The following CADPS2 variants were observed in gnomAD, a reference collection of about 807,000 sequenced individuals.
CADPS2 encodes the protein calcium dependent secretion activator 2.
Under a neutral mutation model 172.5 loss-of-function variants are expected in CADPS2, and 93 were observed. The observed-to-expected ratio is 0.54, with a 90% CI of 0.46 to 0.64. The LOEUF is 0.64. CADPS2 is among the 30% of genes least tolerant of loss of function. The pLI, the probability that CADPS2 is intolerant of heterozygous loss-of-function variation, is 0.00. For missense variants in CADPS2, 1,420 were observed against 1,565.9 expected, an observed-to-expected ratio of 0.91 and a Z score of 1.57; for synonymous variants, 546 against 555.2, an observed-to-expected ratio of 0.98 and a Z score of 0.23.
intron 2 of CADPS2, among the ~76,000 whole-genome samples, chr7:122,678,824 T>C (rs1419428046): frequency 2.0e-5 from 3 of 151,802 alleles, no homozygotes; most frequent in African/African-American, 4.8e-5. Context: ...TAGCAGAATG[T>C]TGCAGGAAGT....
intron 6 of CADPS2, among the ~76,000 whole-genome samples, chr7:122,588,061 C>T (rs966123238): frequency 2.0e-5 from 3 of 151,274 alleles, no homozygotes; most frequent in Admixed American, 6.6e-5. Flanking sequence ...TTTTTTTTCT[C>T]GTAAATTTTT....
intron 2 of CADPS2, chr7:122,701,938 T>C: frequency 6.2e-7 from 1 of 1,613,622 alleles, no homozygotes. Flanking sequence ...TTAAAATGCG[T>C]ACTACATCTT....
intron 2 of CADPS2, among the ~76,000 whole-genome samples, chr7:122,685,937 T>C (rs2083565125): frequency 6.6e-6 from 1 of 152,238 alleles, no homozygotes; most frequent in Admixed American, 6.5e-5. Context: ...TGCCTTACCC[T>C]GAACTTATTT....
At chr7:122,342,067 T>C (rs2036860517) in intron 28 of CADPS2, among the ~76,000 whole-genome samples, 1 of 152,190 alleles carries the variant, frequency 6.6e-6, no homozygotes, top group Non-Finnish European at 1.5e-5. Context: ...AAGGATACTT[T>C]TAATTTTAAT....
chr7:122,713,599 G>C (rs1003077614), intron 2 of CADPS2, among the ~76,000 whole-genome samples: 1 of 151,512 alleles, frequency 6.6e-6, no homozygotes, highest in African/African-American at 2.4e-5. Context: ...ACAATTGTAA[G>C]GAAGTTTCTA....
intron 24 of CADPS2, among the ~76,000 whole-genome samples, chr7:122,385,642 TG>T (rs1184601266): frequency 6.6e-6 from 1 of 152,044 alleles, no homozygotes; most frequent in Non-Finnish European, 1.5e-5. Flanking sequence ...TCAGGGATTC[TG>T]GGGTAGTATT....
At chr7:122,550,916 A>G (rs1210156973) in intron 8 of CADPS2, among the ~76,000 whole-genome samples, 2 of 152,216 alleles carry the variant, frequency 1.3e-5, no homozygotes, top group East Asian at 3.8e-4. Context: ...AAGAATAAAT[A>G]AACTCAAGTT....
intron 7 of CADPS2, among the ~76,000 whole-genome samples, chr7:122,569,271 C>T (rs1377811811): frequency 2.0e-5 from 3 of 152,048 alleles, no homozygotes; most frequent in Non-Finnish European, 2.9e-5. Context: ...TGAGTGAACT[C>T]CCATTCACAA....
chr7:122,497,301 A>G lies in CADPS2; in HGVS notation c.1543-5881T>C, dbSNP rs2058816320. ...ACAAGATTTATTTTAAAGACAAGCT[A>G]TATTTGCTGTACATGCTGATATATT... is the stretch of plus-strand genomic sequence containing the variant. On this transcript the variant is annotated intron_variant, in intron 9 of 29. Coordinates refer to ENST00000449022, the MANE Select transcript of CADPS2 (RefSeq NM_017954.11). Among the ~76,000 whole-genome samples the G allele has an allele frequency of 1.3e-5, 2 of 152,274 alleles. 1 individual carries two copies. Among genetic ancestry groups the G allele is most frequent in the Middle Eastern group, 6.8e-3 (2 of 294 alleles).
At chr7:122,610,364 T>G (rs2133759353) in intron 6 of CADPS2, among the ~76,000 whole-genome samples, 1 of 152,174 alleles carries the variant, frequency 6.6e-6, no homozygotes, top group African/African-American at 2.4e-5. Context: ...AGATAAAAGT[T>G]AATTGATCTC....
At chr7:122,803,504 G>T (rs1032085034) in intron 1 of CADPS2, among the ~76,000 whole-genome samples, 1 of 152,054 alleles carries the variant, frequency 6.6e-6, no homozygotes, top group African/African-American at 2.4e-5. Flanking sequence ...ATTTTCTATG[G>T]TGTTTTCTAT....
At chr7:122,690,288 A>T (rs553122762) in intron 2 of CADPS2, among the ~76,000 whole-genome samples, 1 of 152,286 alleles carries the variant, frequency 6.6e-6, no homozygotes, top group African/African-American at 2.4e-5. Context: ...GCTACACCTC[A>T]TCAGCTTTCT....
chr7:122,427,213 T>C (rs2049282927), intron 17 of CADPS2: 1 of 152,200 alleles, frequency 6.6e-6, no homozygotes, highest in Non-Finnish European at 1.5e-5. Context: ...TTTTGAAGTA[T>C]ATAATTTTTC....
chr7:122,732,365 A>G (rs2091730448), intron 2 of CADPS2, among the ~76,000 whole-genome samples: 1 of 151,306 alleles, frequency 6.6e-6, no homozygotes, highest in Non-Finnish European at 1.5e-5. Flanking sequence ...GTAATTGTCT[A>G]TAGACTATAT....
chr7:122,686,964 G>T (rs1036318100), intron 2 of CADPS2, among the ~76,000 whole-genome samples: 1 of 152,018 alleles, frequency 6.6e-6, no homozygotes, highest in Non-Finnish European at 1.5e-5. Context: ...GGATTACAGG[G>T]GTGAGCCACC....
chr7:122,799,843 C>T (rs1320252022), intron 1 of CADPS2, among the ~76,000 whole-genome samples: 1 of 152,122 alleles, frequency 6.6e-6, no homozygotes, highest in African/African-American at 2.4e-5. Context: ...CATATTCATA[C>T]TTCTTTCAGT....
At chr7:122,494,095 G>A (rs1026387126) in intron 9 of CADPS2, among the ~76,000 whole-genome samples, 9 of 152,126 alleles carry the variant, frequency 5.9e-5, no homozygotes, top group African/African-American at 2.2e-4. Flanking sequence ...GTCGATATGT[G>A]GGTGGGTCTC....
chr7:122,726,640 T>C (rs1193564783), intron 2 of CADPS2, among the ~76,000 whole-genome samples: 2 of 151,854 alleles, frequency 1.3e-5, no homozygotes, highest in African/African-American at 2.4e-5. Context: ...AGAGTAACAT[T>C]TGAGCAAACA....
chr7:122,702,596 A>T (rs1220438370), intron 2 of CADPS2: 1 of 1,613,534 alleles, frequency 6.2e-7, no homozygotes, highest in African/African-American at 1.3e-5. Flanking sequence ...TTCCGATGTG[A>T]TCTCATTTCC....
Sources: gnomAD v4.1 joint callset for allele counts (sites outside exome capture counted in the v4.1 genomes callset) on GRCh38, gnomAD v4.1.1 for gene constraint, MANE v1.5 for transcripts, NCBI Gene and HGNC (gene_info 2026-07-23, HGNC 2026-07-21) for gene names.